The following ACOT7 variants were observed in gnomAD, a reference collection of about 807,000 sequenced individuals.
ACOT7 encodes the protein acyl-CoA thioesterase 7.
Under a neutral mutation model 40.2 loss-of-function variants are expected in ACOT7, and 12 were observed. That is an observed-to-expected ratio of 0.30 (90% CI 0.19 to 0.48). The LOEUF (loss-of-function observed/expected upper bound fraction) is 0.48. Among genes scored for constraint, ACOT7 ranks in the 20% least tolerant of loss-of-function variants. The probability of loss-of-function intolerance (pLI) is 0.99; values close to 1 mark genes in which losing one functional copy is unlikely to be tolerated. For missense variants in ACOT7, 395 were observed against 530.8 expected (o/e 0.74, Z 2.51); for synonymous variants, 228 against 219.5 (o/e 1.04, Z -0.34).
intron 6 of ACOT7, among the ~76,000 whole-genome samples, chr1:6,302,842 G>A (rs1382013654): frequency 1.3e-5 from 2 of 151,824 alleles, no homozygotes; most frequent in Admixed American, 6.6e-5. Context: ...CGTGCCCATC[G>A]TGTCCTGCGT....
At chr1:6,328,201 T>C (rs1640858431) in intron 4 of ACOT7, among the ~76,000 whole-genome samples, 1 of 152,144 alleles carries the variant, frequency 6.6e-6, no homozygotes, top group African/African-American at 2.4e-5. Flanking sequence ...CTCTCCAAAG[T>C]CCATGACAGA....
rs537042691 is a variant in ACOT7 at position 6,311,181 on chromosome 1, G to A, written c.712+7311C>T. Among the ~76,000 whole-genome samples the A allele has an allele frequency of 1.3e-5, 2 of 152,314 alleles. No individual in the cohort carries two copies. The highest frequency in any genetic ancestry group is 4.1e-4 in the South Asian group (2 of 4,822). The stretch of plus-strand genomic sequence containing the variant: ...GGAGCTGAGCAAGCTCTCCCGATGA[G>A]GATACCCACCTTGACTTCTGTTTCA... On this transcript the variant is annotated intron_variant, in intron 6 of 8. Transcript: ENST00000361521. This position sits in a 1 kb window ranked among gnomAD's most constrained non-coding sequence, Gnocchi z 5.2.
At chr1:6,375,984 G>A (rs113488121) in intron 1 of ACOT7, among the ~76,000 whole-genome samples, 14,147 of 151,774 alleles carry the variant, frequency 0.093, 957 homozygotes, top group African/African-American at 0.19. Context: ...GCTGGGCGCA[G>A]TGGCTCACGC....
At chr1:6,338,000 CAAAAAAAAAAAAA>C (rs769360339) in intron 3 of ACOT7, among the ~76,000 whole-genome samples, 2 of 71,814 alleles carry the variant, frequency 2.8e-5, no homozygotes, top group African/African-American at 8.1e-5. Context: ...GACACCATCT[CAAAAAAAAAAAAA>C]AAAAAAAAAA....
At chr1:6,374,740 G>A (rs901126335) in intron 1 of ACOT7, among the ~76,000 whole-genome samples, 4 of 152,160 alleles carry the variant, frequency 2.6e-5, no homozygotes, top group Admixed American at 6.5e-5. Flanking sequence ...AGAGTTCTCC[G>A]TGGCTGGGAC....
intron 6 of ACOT7, among the ~76,000 whole-genome samples, chr1:6,305,617 C>T (rs1392999182): frequency 6.6e-6 from 1 of 151,816 alleles, no homozygotes. Context: ...GCGCTCCCCA[C>T]ATCTCAGATG....
Position 6,393,164 on chromosome 1 carries a change from CG to C in ACOT7, c.143+92del, listed in dbSNP as rs1339597759. ...GGGAATCGGCGGGCGGGGGCGGCCT[CG>C]GCGGGTGGGGACCACAGAGCCAAGC... On this transcript the variant is annotated intron_variant, in intron 1 of 8. Transcript: ENST00000361521. The C allele has an allele frequency of 5.9e-6, 7 of 1,180,440 alleles. No homozygotes were observed. In the African/African-American group the frequency reaches 1.1e-4, roughly 19 times the overall value. 73.1% of individuals were successfully genotyped at this position (1,180,440 alleles called of 1,614,324 possible).
intron 7 of ACOT7, among the ~76,000 whole-genome samples, chr1:6,291,670 C>T (rs1430126199): frequency 6.6e-6 from 1 of 152,176 alleles, no homozygotes; most frequent in African/African-American, 2.4e-5. Context: ...TGCCCCCACC[C>T]GGCAGGGCAG....
Position 6,282,941 on chromosome 1 carries a change from T to C in ACOT7, c.830-1655A>G, listed in dbSNP as rs1029032222. The C allele has an allele frequency of 4.0e-6, 2 of 494,266 alleles. No homozygotes were observed. Among genetic ancestry groups the C allele is most frequent in the African/African-American group, 2.0e-5 (1 of 50,438 alleles). The allele number at this position is 494,266 out of a possible 1,614,324, so 30.6% of individuals were successfully genotyped here. Reference sequence around the variant, plus strand: ...GGGTCTCCCAGCATCTCTGCCTCCTTCCTCACAATGCCCAGCCCACATCCC... The same window carrying C: ...GGGTCTCCCAGCATCTCTGCCTCCTCCCTCACAATGCCCAGCCCACATCCC... On this transcript the variant is annotated intron_variant, in intron 7 of 8. Coordinates refer to ENST00000361521, the MANE Select transcript of ACOT7 (RefSeq NM_007274.4). The surrounding 1 kb of genome is among the most constrained non-coding windows in gnomAD (Gnocchi z 4.5).
intron 7 of ACOT7, among the ~76,000 whole-genome samples, chr1:6,293,055 A>C (rs1639718156): frequency 6.6e-6 from 1 of 151,908 alleles, no homozygotes; most frequent in African/African-American, 2.4e-5. Flanking sequence ...ACGCCTGGCT[A>C]ATTTTTTGTA....
intron 1 of ACOT7, among the ~76,000 whole-genome samples, chr1:6,360,003 T>C (rs139818020): frequency 1.5e-3 from 228 of 152,388 alleles, no homozygotes; most frequent in African/African-American, 5.2e-3. Context: ...TGGCAGGCAC[T>C]GAGCCTGGGA....
chr1:6,340,777 TATA>T (rs1641254491), intron 2 of ACOT7, among the ~76,000 whole-genome samples: 1 of 152,098 alleles, frequency 6.6e-6, no homozygotes, highest in Non-Finnish European at 1.5e-5. Flanking sequence ...GGCTCATGAC[TATA>T]ATTCCAGAAC....
At position 6,288,621 on chromosome 1, in the gene ACOT7, G is replaced by C. The variant is rs1254217858; in HGVS notation, c.829+6243C>G. Among the ~76,000 whole-genome samples, 1 of 152,204 alleles carries C rather than the reference G, an allele frequency of 6.6e-6. No homozygotes were observed. Among genetic ancestry groups the C allele is most frequent in the Non-Finnish European group, 1.5e-5 (1 of 68,034 alleles). ...ACTGGGTTGGGCTGGTGAGGGGTGAGGGTAACAGAGGTGGCCCTCTGTGGT... is the reference window on the plus strand; with the variant it reads ...ACTGGGTTGGGCTGGTGAGGGGTGACGGTAACAGAGGTGGCCCTCTGTGGT... On this transcript the variant is annotated intron_variant, in intron 7 of 8. Coordinates refer to ENST00000361521, the MANE Select transcript of ACOT7 (RefSeq NM_007274.4). The surrounding 1 kb of genome is among the most constrained non-coding windows in gnomAD (Gnocchi z 4.3).
intron 2 of ACOT7, among the ~76,000 whole-genome samples, chr1:6,349,366 C>A (rs1296387019): frequency 6.6e-6 from 1 of 152,184 alleles, no homozygotes; most frequent in East Asian, 1.9e-4. Flanking sequence ...AGAGGTGGGA[C>A]CTCTCCTACA....
chr1:6,323,445 T>C (rs1640702279), intron 5 of ACOT7, among the ~76,000 whole-genome samples: 1 of 151,992 alleles, frequency 6.6e-6, no homozygotes, highest in Admixed American at 6.5e-5. Flanking sequence ...TGGCCAGGTA[T>C]GGTGGCTCAC....
rs971976108 is a variant in ACOT7, at chr1:6,278,297, C to T, written c.1014+2805G>A. On this transcript the variant is annotated intron_variant, in intron 8 of 8. Coordinates refer to ENST00000361521, the MANE Select transcript of ACOT7 (RefSeq NM_007274.4). This position sits in a 1 kb window ranked among gnomAD's most constrained non-coding sequence, Gnocchi z 4.1. ...GGCATGGAGGAGCCACCGTGCATTTCGGTGGGAGAGGGAGCAACTCGGATT... is the reference window on the plus strand; with the variant it reads ...GGCATGGAGGAGCCACCGTGCATTTTGGTGGGAGAGGGAGCAACTCGGATT... Among the ~76,000 whole-genome samples the T allele has an allele frequency of 2.0e-5, 3 of 152,110 alleles. No homozygotes were observed. The South Asian group carries it at 6.2e-4, about 32-fold the overall frequency.
intron 8 of ACOT7, 58 bp from the exon 9 acceptor site, chr1:6,264,753 C>T (rs1314892946): frequency 3.2e-6 from 5 of 1,567,270 alleles, no homozygotes; most frequent in Non-Finnish European, 2.6e-6. Flanking sequence ...AGTGCCGTGG[C>T]CTTGTGACCT....
intron 5 of ACOT7, among the ~76,000 whole-genome samples, chr1:6,323,741 T>TATAC (rs1557650630): frequency 1.3e-5 from 1 of 79,298 alleles, no homozygotes; most frequent in Non-Finnish European, 2.2e-5. Context: ...AAAAAAAATA[T>TATAC]ATATATATAT....
At chr1:6,334,036 G>A (rs1641033139) in intron 3 of ACOT7, among the ~76,000 whole-genome samples, 1 of 152,198 alleles carries the variant, frequency 6.6e-6, no homozygotes. Context: ...CCAACTGCAG[G>A]CAACCTCCTC....
Sources: gnomAD v4.1 joint callset for allele counts (sites outside exome capture counted in the v4.1 genomes callset) on GRCh38, gnomAD v4.1.1 for gene constraint, Gnocchi (gnomAD v3.1) non-coding constraint, MANE v1.5 for transcripts, NCBI Gene and HGNC (gene_info 2026-07-23, HGNC 2026-07-21) for gene names.